Variants in DPYD observed in about 807,000 individuals in gnomAD.
DPYD encodes the protein dihydropyrimidine dehydrogenase, also known as dihydropyrimidine dehydrogenase [NADP(+)].
Under a neutral mutation model 116.2 loss-of-function variants are expected in DPYD, and 109 were observed. That is an observed-to-expected ratio of 0.94 (90% confidence interval 0.80 to 1.10). The LOEUF is 1.10. DPYD is among the 50% of genes least tolerant of loss of function. The probability of loss-of-function intolerance (pLI) is 0.00; values close to 1 mark genes in which losing one functional copy is unlikely to be tolerated. For missense variants in DPYD, 1,302 were observed against 1,254.5 expected (o/e 1.04, Z -0.57); for synonymous variants, 440 against 432.0 (o/e 1.02, Z -0.23).
chr1:97,501,402 A>G (rs1249266595), intron 13 of DPYD, among the ~76,000 whole-genome samples: 1 of 152,010 alleles, frequency 6.6e-6, no homozygotes, highest in Non-Finnish European at 1.5e-5. Context: ...GATCTACTCA[A>G]TTAAATCCAA....
At chr1:97,774,250 A>G (rs1445878194) in intron 3 of DPYD, among the ~76,000 whole-genome samples, 9 of 152,128 alleles carry the variant, frequency 5.9e-5, no homozygotes, top group Non-Finnish European at 1.2e-4. Context: ...AAACTGTAGG[A>G]TCTGCCACTC....
intron 18 of DPYD, among the ~76,000 whole-genome samples, chr1:97,256,329 CTT>C (rs1419891625): frequency 2.0e-5 from 3 of 152,122 alleles, no homozygotes; most frequent in Middle Eastern, 3.4e-3. Context: ...ATATTTCCCT[CTT>C]GATATGGTTT....
intron 13 of DPYD, among the ~76,000 whole-genome samples, chr1:97,465,880 C>T (rs548030126): frequency 1.3e-5 from 2 of 152,230 alleles, no homozygotes; most frequent in Admixed American, 6.5e-5. Flanking sequence ...CCAAAATAAA[C>T]TTCTAAATTC....
rs116085720 is a variant in DPYD at position 97,405,097 on chromosome 1, C to T, written c.1906-22636G>A. On this transcript the variant is annotated intron_variant, in intron 14 of 22. Coordinates refer to ENST00000370192, the MANE Select transcript of DPYD (RefSeq NM_000110.4). ...AAAAAATCATATCCTCCCTCCTGTCCATTGTGTCACTGCTGTCATTCATTG... is the reference window on the plus strand; with the variant it reads ...AAAAAATCATATCCTCCCTCCTGTCTATTGTGTCACTGCTGTCATTCATTG... Among the ~76,000 whole-genome samples, 780 of 152,058 alleles carry T rather than the reference C, an allele frequency of 5.1e-3. 5 individuals carry two copies. The highest frequency in any genetic ancestry group is 0.02 in the Middle Eastern group (6 of 294).
rs1194695390 is a variant in DPYD, at chr1:97,901,848, G to T, written c.40-18474C>A. 2.0e-5 allele frequency among the ~76,000 whole-genome samples: 3 copies of T among 151,776 alleles called. No homozygotes were observed. The East Asian group carries it at 5.8e-4, about 29-fold the overall frequency. On this transcript the variant is annotated intron_variant, in intron 1 of 22. Coordinates refer to ENST00000370192, the MANE Select transcript of DPYD (RefSeq NM_000110.4). ...TTTCTTTAATTGTAAAAAAATCACA[G>T]ATGCTCTGGTATCAAAAATACATTT...
At chr1:97,532,701 A>C (rs1459951842) in intron 12 of DPYD, among the ~76,000 whole-genome samples, 1 of 151,884 alleles carries the variant, frequency 6.6e-6, no homozygotes, top group East Asian at 1.9e-4. Flanking sequence ...TTTCTCTGGC[A>C]TTAGTTGTAA....
intron 5 of DPYD, among the ~76,000 whole-genome samples, chr1:97,710,274 G>A (rs959485404): frequency 2.6e-5 from 4 of 151,768 alleles, no homozygotes; most frequent in Admixed American, 6.6e-5. Flanking sequence ...TAAGTTTCCT[G>A]AAATTACATA....
chr1:97,492,697 T>C (rs1679038312), intron 13 of DPYD, among the ~76,000 whole-genome samples: 1 of 152,160 alleles, frequency 6.6e-6, no homozygotes, highest in South Asian at 2.1e-4. Context: ...GCAGCAATGA[T>C]CTGCTACTTA....
intron 19 of DPYD, among the ~76,000 whole-genome samples, chr1:97,205,732 C>T (rs1220997836): frequency 6.6e-6 from 1 of 152,070 alleles, no homozygotes; most frequent in Non-Finnish European, 1.5e-5. Flanking sequence ...GTTGCTCTGT[C>T]CTTCAAGGTT....
chr1:97,376,689 A>G (rs188307522), intron 15 of DPYD, among the ~76,000 whole-genome samples: 209 of 152,278 alleles, frequency 1.4e-3, no homozygotes, highest in Non-Finnish European at 2.5e-3. Flanking sequence ...ATGCATTCTG[A>G]TTCTTGTTAG....
intron 13 of DPYD, among the ~76,000 whole-genome samples, chr1:97,514,607 T>A (rs948133965): frequency 1.3e-5 from 2 of 151,964 alleles, no homozygotes; most frequent in Non-Finnish European, 2.9e-5. Flanking sequence ...TAGTATATTC[T>A]GTTACGCTTC....
At chr1:97,207,981 A>C (rs971603546) in intron 19 of DPYD, among the ~76,000 whole-genome samples, 2 of 152,166 alleles carry the variant, frequency 1.3e-5, no homozygotes. Context: ...AATTTGTACA[A>C]ATATTATTGC....
intron 16 of DPYD, among the ~76,000 whole-genome samples, chr1:97,371,295 C>T (rs1232549613): frequency 4.6e-5 from 7 of 152,276 alleles, no homozygotes; most frequent in East Asian, 3.9e-4. Context: ...ATGTCTAATT[C>T]GTGAAGCAAA....
intron 19 of DPYD, among the ~76,000 whole-genome samples, chr1:97,218,343 A>T (rs1289716566): frequency 6.6e-6 from 1 of 152,124 alleles, no homozygotes; most frequent in Non-Finnish European, 1.5e-5. Flanking sequence ...ATGAAGAAAA[A>T]ACAAAAAATG....
intron 11 of DPYD, among the ~76,000 whole-genome samples, chr1:97,564,269 C>A (rs1330676773): frequency 6.6e-6 from 1 of 152,082 alleles, no homozygotes; most frequent in Admixed American, 6.6e-5. Flanking sequence ...CATGTCATAA[C>A]CTCCTTAAAA....
At chr1:97,845,427 G>A (rs1670244271) in intron 2 of DPYD, among the ~76,000 whole-genome samples, 1 of 152,190 alleles carries the variant, frequency 6.6e-6, no homozygotes, top group South Asian at 2.1e-4. Flanking sequence ...CCTGCCTACA[G>A]AAAGAAGCTA....
intron 21 of DPYD, among the ~76,000 whole-genome samples, chr1:97,085,760 A>T (rs931621395): frequency 6.6e-6 from 1 of 152,176 alleles, no homozygotes; most frequent in Non-Finnish European, 1.5e-5. Flanking sequence ...CCTCTTGTAC[A>T]CACATCTGTG....
At chr1:97,414,173 T>C (rs1674164183) in intron 14 of DPYD, among the ~76,000 whole-genome samples, 1 of 152,098 alleles carries the variant, frequency 6.6e-6, no homozygotes, top group Non-Finnish European at 1.5e-5. Flanking sequence ...ATTCTACAAC[T>C]TGGAAGGAGA....
At chr1:97,095,769 T>C (rs1020729097) in intron 21 of DPYD, among the ~76,000 whole-genome samples, 1 of 152,150 alleles carries the variant, frequency 6.6e-6, no homozygotes, top group Non-Finnish European at 1.5e-5. Context: ...ACTGCATTTA[T>C]AAAAACTGAA....
Sources: allele counts gnomAD v4.1 joint callset (sites outside exome capture counted in the v4.1 genomes callset), GRCh38; gene constraint gnomAD v4.1.1; transcripts MANE v1.5; gene names NCBI Gene and HGNC (gene_info 2026-07-23, HGNC 2026-07-21).